Variants in TNR observed in about 807,000 individuals in gnomAD.
TNR encodes the protein tenascin-R.
TNR carries 45 observed loss-of-function variants against 150.4 expected under a neutral mutation model. The ratio of observed to expected loss-of-function variants is 0.30; its 90% CI spans 0.24 to 0.38. The LOEUF (loss-of-function observed/expected upper bound fraction) is 0.38. Among genes scored for constraint, TNR ranks in the 10% least tolerant of loss-of-function variants. The probability of loss-of-function intolerance (pLI) is 1.00; values close to 1 mark genes in which losing one functional copy is unlikely to be tolerated. For missense variants in TNR, 1,544 were observed against 1,759.1 expected, an observed-to-expected ratio of 0.88 and a Z score of 2.19; for synonymous variants, 687 against 678.4, an observed-to-expected ratio of 1.01 and a Z score of -0.20.
chr1:175,427,889 G>GCTTC (rs71129510), intron 2 of TNR, among the ~76,000 whole-genome samples: 27,893 of 111,122 alleles, frequency 0.25, 3,361 homozygotes, highest in Middle Eastern at 0.34. Flanking sequence ...TCCCTTCTTC[G>GCTTC]CTTCCTTCCT....
At chr1:175,503,872 G>A (rs995134091) in intron 2 of TNR, among the ~76,000 whole-genome samples, 13 of 152,134 alleles carry the variant, frequency 8.5e-5, no homozygotes, top group Admixed American at 2.6e-4. Flanking sequence ...AATCTGTTAC[G>A]TGCAGCCTGC....
At chr1:175,715,975 G>C (rs899871274) in intron 1 of TNR, among the ~76,000 whole-genome samples, 1 of 152,208 alleles carries the variant, frequency 6.6e-6, no homozygotes, top group Non-Finnish European at 1.5e-5. Context: ...TATTGACTCA[G>C]CTGATCAATT....
At chr1:175,341,563 G>T (rs889069098) in intron 18 of TNR, among the ~76,000 whole-genome samples, 1 of 152,204 alleles carries the variant, frequency 6.6e-6, no homozygotes, top group Admixed American at 6.5e-5. Flanking sequence ...TACATGACAC[G>T]CAGTGCAGTC....
At chr1:175,397,737 C>A (rs1333313347) in intron 4 of TNR, among the ~76,000 whole-genome samples, 2 of 152,134 alleles carry the variant, frequency 1.3e-5, no homozygotes, top group Admixed American at 6.5e-5. Flanking sequence ...TTCTTGAGGA[C>A]CTTGCTTTAC....
At chr1:175,445,276 A>G (rs913586114) in intron 2 of TNR, among the ~76,000 whole-genome samples, 1 of 152,230 alleles carries the variant, frequency 6.6e-6, no homozygotes, top group Non-Finnish European at 1.5e-5. Context: ...TCTCAAAAAA[A>G]TAAAAAATAA....
rs190850509 is a variant in TNR at position 175,590,696 on chromosome 1, A to T, written c.-164-62327T>A. 4.6e-5 allele frequency among the ~76,000 whole-genome samples: 7 copies of T among 152,400 alleles called. No individual in the cohort carries two copies. The East Asian group carries it at 1.3e-3, about 29-fold the overall frequency. ...GGAAGGGCATTCTAGGCCAAAGGAC[A>T]GCGTGGGCTAAGGTGAGGAGAACTG... is the stretch of plus-strand genomic sequence containing the variant. On this transcript the variant is annotated intron_variant, in intron 1 of 22. Coordinates refer to ENST00000367674, the MANE Select transcript of TNR (RefSeq NM_003285.3).
At chr1:175,325,264 A>G (rs1649305037) in intron 21 of TNR, among the ~76,000 whole-genome samples, 1 of 152,264 alleles carries the variant, frequency 6.6e-6, no homozygotes, top group African/African-American at 2.4e-5. Context: ...AGACACATAA[A>G]AAATGCTCAT....
chr1:175,703,356 C>T (rs1389743108), intron 1 of TNR, among the ~76,000 whole-genome samples: 1 of 152,178 alleles, frequency 6.6e-6, no homozygotes, highest in African/African-American at 2.4e-5. Context: ...TCTTTGCAAA[C>T]TTTAATAGTT....
At chr1:175,690,840 G>A (rs1190608787) in intron 1 of TNR, among the ~76,000 whole-genome samples, 1 of 152,174 alleles carries the variant, frequency 6.6e-6, no homozygotes, top group African/African-American at 2.4e-5. Context: ...ATTGAAGGAG[G>A]AGAGAAGATT....
At chr1:175,583,098 G>C (rs1367233883) in intron 1 of TNR, among the ~76,000 whole-genome samples, 2 of 152,174 alleles carry the variant, frequency 1.3e-5, no homozygotes, top group Non-Finnish European at 2.9e-5. Flanking sequence ...GCATAAAATA[G>C]ACTAAGGCAA....
At chr1:175,421,474 T>G (rs1238654110) in intron 2 of TNR, among the ~76,000 whole-genome samples, 3 of 152,194 alleles carry the variant, frequency 2.0e-5, no homozygotes, top group African/African-American at 7.2e-5. Flanking sequence ...AGCTATTTCC[T>G]AAAAGAATGG....
intron 2 of TNR, among the ~76,000 whole-genome samples, chr1:175,504,796 T>C (rs184378077): frequency 6.6e-6 from 1 of 152,334 alleles, no homozygotes; most frequent in East Asian, 1.9e-4. Context: ...AATGTCACTG[T>C]ATTTGGAACT....
chr1:175,616,296 G>C lies in TNR; in HGVS notation c.-164-87927C>G, dbSNP rs145382615. Among the ~76,000 whole-genome samples the C allele has an allele frequency of 1.3e-3, 199 of 152,272 alleles. No individual in the cohort carries two copies. The East Asian group carries it at 0.031, about 24-fold the overall frequency. On this transcript the variant is annotated intron_variant, in intron 1 of 22. Coordinates refer to ENST00000367674, the MANE Select transcript of TNR (RefSeq NM_003285.3). ...CCCCTCTATAGCCCTCAGTGTCTGG[G>C]ATGTCCCCCACCTGCCTTGGCATGC... is the stretch of plus-strand genomic sequence containing the variant.
intron 2 of TNR, among the ~76,000 whole-genome samples, chr1:175,449,292 GCA>G (rs1341908662): frequency 6.6e-6 from 1 of 152,132 alleles, no homozygotes; most frequent in Non-Finnish European, 1.5e-5. Context: ...GCATGCATGT[GCA>G]CACACAGATG....
intron 1 of TNR, among the ~76,000 whole-genome samples, chr1:175,644,122 T>C (rs1481355727): frequency 6.6e-6 from 1 of 152,182 alleles, no homozygotes; most frequent in African/African-American, 2.4e-5. Flanking sequence ...TGATGAGAGA[T>C]TGTTACTACA....
intron 21 of TNR, among the ~76,000 whole-genome samples, chr1:175,329,147 G>C (rs573851388): frequency 2.6e-4 from 40 of 152,284 alleles, no homozygotes; most frequent in Middle Eastern, 3.4e-3. Flanking sequence ...TGCAGTAACT[G>C]GAAGGACAAC....
chr1:175,549,059 C>G (rs1213452317), intron 1 of TNR, among the ~76,000 whole-genome samples: 1 of 152,202 alleles, frequency 6.6e-6, no homozygotes, highest in Non-Finnish European at 1.5e-5. Flanking sequence ...GTGCCAGGAG[C>G]AGCAGAGCCA....
Position 175,595,010 on chromosome 1 carries a change from C to CA in TNR, c.-164-66642dup, listed in dbSNP as rs372197546. Among the ~76,000 whole-genome samples the CA allele has an allele frequency of 1.9e-3, 284 of 150,744 alleles. 4 individuals carry two copies. Among genetic ancestry groups the CA allele is most frequent in the African/African-American group, 5.7e-3 (233 of 41,022 alleles). ...TGAAACCCTGTCTCTACTAAAAATA[C>CA]AAAAAAAATAGCTGGATGTGGTGGT... On this transcript the variant is annotated intron_variant, in intron 1 of 22. Coordinates refer to ENST00000367674, the MANE Select transcript of TNR (RefSeq NM_003285.3).
chr1:175,475,015 C>T (rs1657483535), intron 2 of TNR, among the ~76,000 whole-genome samples: 1 of 152,164 alleles, frequency 6.6e-6, no homozygotes. Flanking sequence ...TTGTTAAGGG[C>T]AGAAGTGGCT....
Sources: gnomAD v4.1 joint callset for allele counts (sites outside exome capture counted in the v4.1 genomes callset) on GRCh38, gnomAD v4.1.1 for gene constraint, MANE v1.5 for transcripts, NCBI Gene and HGNC (gene_info 2026-07-23, HGNC 2026-07-21) for gene names.